SHISA6: variants seen among roughly 807,000 people sequenced by gnomAD.
SHISA6 encodes shisa family member 6.
Under a neutral mutation model 47.9 loss-of-function variants are expected in SHISA6, and 22 were observed. The ratio of observed to expected loss-of-function variants is 0.46; its 90% CI spans 0.33 to 0.66. The LOEUF (loss-of-function observed/expected upper bound fraction) is 0.66, where lower values mean the gene tolerates loss of function less well. Among genes scored for constraint, SHISA6 ranks in the 30% least tolerant of loss-of-function variants. The pLI, the probability that SHISA6 is intolerant of heterozygous loss-of-function variation, is 0.02. For synonymous variants in SHISA6, 388 were observed against 337.8 expected (o/e 1.15, Z -1.63); for missense variants, 680 against 764.6 (o/e 0.89, Z 1.30).
intron 3 of SHISA6, among the ~76,000 whole-genome samples, chr17:11,407,323 T>A (rs762383783): frequency 1.3e-4 from 20 of 151,962 alleles, no homozygotes; most frequent in Non-Finnish European, 2.4e-4. Flanking sequence ...AGGTCTGTGT[T>A]CCCCATCGCT....
intron 2 of SHISA6, among the ~76,000 whole-genome samples, chr17:11,341,390 A>G (rs1333237853): frequency 1.5e-5 from 2 of 132,334 alleles, no homozygotes; most frequent in South Asian, 4.9e-4. Context: ...GATGGAGTGC[A>G]GTGGCATGAT....
intron 2 of SHISA6, among the ~76,000 whole-genome samples, chr17:11,328,032 T>A (rs768521648): frequency 1.3e-5 from 2 of 152,210 alleles, no homozygotes; most frequent in Non-Finnish European, 2.9e-5. Context: ...ATTCATTCAC[T>A]TTTTTGTGAC....
At chr17:11,415,275 C>T (rs1249294443) in intron 3 of SHISA6, among the ~76,000 whole-genome samples, 1 of 152,108 alleles carries the variant, frequency 6.6e-6, no homozygotes, top group Non-Finnish European at 1.5e-5. Context: ...AAAACTGAGG[C>T]ACAGATAATT....
At chr17:11,290,982 A>G (rs1437691076) in intron 2 of SHISA6, among the ~76,000 whole-genome samples, 2 of 151,168 alleles carry the variant, frequency 1.3e-5, no homozygotes, top group Admixed American at 6.6e-5. Context: ...TTATTAATTT[A>G]ATAATAAATT....
chr17:11,350,618 A>G (rs17597653), intron 2 of SHISA6, among the ~76,000 whole-genome samples: 4,677 of 151,956 alleles, frequency 0.031, 147 homozygotes, highest in African/African-American at 0.074. Context: ...ACTGTCAATC[A>G]TCTCTCACTG....
chr17:11,412,357 A>G (rs1914145917), intron 3 of SHISA6, among the ~76,000 whole-genome samples: 1 of 152,184 alleles, frequency 6.6e-6, no homozygotes, highest in South Asian at 2.1e-4. Flanking sequence ...ACAGTGTTAC[A>G]TACTCTGGAG....
At chr17:11,505,506 A>G (rs908759305) in intron 3 of SHISA6, among the ~76,000 whole-genome samples, 6 of 152,190 alleles carry the variant, frequency 3.9e-5, no homozygotes, top group African/African-American at 1.2e-4. Context: ...GGCTACTGTA[A>G]ACATAGTCTA....
At chr17:11,492,624 G>T (rs1055961662) in intron 3 of SHISA6, among the ~76,000 whole-genome samples, 11 of 152,154 alleles carry the variant, frequency 7.2e-5, no homozygotes, top group Non-Finnish European at 1.5e-4. Context: ...AGGGCTCAGT[G>T]AACACTTATG....
chr17:11,256,518 C>T (rs529595494), intron 1 of SHISA6, among the ~76,000 whole-genome samples: 15 of 151,764 alleles, frequency 9.9e-5, no homozygotes, highest in South Asian at 4.2e-4. Flanking sequence ...AAAACAACAA[C>T]GCCAACAATC....
intron 3 of SHISA6, among the ~76,000 whole-genome samples, chr17:11,473,799 G>A (rs1304133065): frequency 6.6e-6 from 1 of 151,940 alleles, no homozygotes; most frequent in African/African-American, 2.4e-5. Context: ...GTGCAGGTTT[G>A]TTACATAGGT....
At chr17:11,494,095 C>T (rs770310881) in intron 3 of SHISA6, among the ~76,000 whole-genome samples, 16 of 152,150 alleles carry the variant, frequency 1.1e-4, no homozygotes, top group Admixed American at 2.6e-4. Context: ...CAGGGGGCTT[C>T]TGTGTCTTCC....
At chr17:11,459,218 C>CAA (rs200165239) in intron 3 of SHISA6, among the ~76,000 whole-genome samples, 3,223 of 90,642 alleles carry the variant, frequency 0.036, 163 homozygotes, top group African/African-American at 0.12. Context: ...GACTCCATCT[C>CAA]AAAAAAAAAA....
chr17:11,433,544 CAT>C (rs1236070684), intron 3 of SHISA6, among the ~76,000 whole-genome samples: 3 of 151,458 alleles, frequency 2.0e-5, no homozygotes, highest in Non-Finnish European at 4.4e-5. Flanking sequence ...AATAAACATA[CAT>C]GTGTGTGTTC....
chr17:11,531,113 C>T (rs566087057), intron 3 of SHISA6, among the ~76,000 whole-genome samples: 9 of 151,120 alleles, frequency 6.0e-5, no homozygotes, highest in Non-Finnish European at 4.4e-5. Flanking sequence ...GCTCAGATAC[C>T]GTTAGTGAGG....
At chr17:11,244,605 T>G (rs1442243018) in intron 1 of SHISA6, among the ~76,000 whole-genome samples, 1 of 151,978 alleles carries the variant, frequency 6.6e-6, no homozygotes, top group Non-Finnish European at 1.5e-5. Context: ...GACTGTCTTG[T>G]TGGGCAATCA....
chr17:11,347,585 G>T (rs1439209593), intron 2 of SHISA6, among the ~76,000 whole-genome samples: 1 of 152,202 alleles, frequency 6.6e-6, no homozygotes, highest in African/African-American at 2.4e-5. Flanking sequence ...TGGCTTAGAA[G>T]TATTAAGCAA....
chr17:11,495,611 C>A (rs1028701882), intron 3 of SHISA6, among the ~76,000 whole-genome samples: 3 of 152,174 alleles, frequency 2.0e-5, no homozygotes, highest in Non-Finnish European at 4.4e-5. Flanking sequence ...GGCTGCCTAC[C>A]AGTCCATCCC....
intron 2 of SHISA6, among the ~76,000 whole-genome samples, chr17:11,316,444 G>C (rs1450474493): frequency 7.9e-6 from 1 of 127,272 alleles, no homozygotes; most frequent in Non-Finnish European, 1.6e-5. Flanking sequence ...TTTTTGAGAC[G>C]GAGTCTTGCT....
chr17:11,560,687 T>C lies in SHISA6; in HGVS notation c.*2383T>C, dbSNP rs926490794. 1 of 152,034 alleles carries C rather than the reference T, an allele frequency of 6.6e-6. No individual in the cohort carries two copies. Among genetic ancestry groups the C allele is most frequent in the Non-Finnish European group, 1.5e-5 (1 of 68,080 alleles). The allele number at this position is 152,034 out of a possible 1,614,324, so 9.4% of individuals were successfully genotyped here. On this transcript the variant is annotated 3_prime_UTR_variant, in exon 6 of 6. Transcript: ENST00000441885. ...GCACCAAGTTCTCCAGCCCCCAGGG[T>C]GACACTTTTCCCCAGGGGTCCTCCC...
Sources: gnomAD v4.1 joint callset for allele counts (sites outside exome capture counted in the v4.1 genomes callset) on GRCh38, gnomAD v4.1.1 for gene constraint, MANE v1.5 for transcripts, NCBI Gene and HGNC (gene_info 2026-07-23, HGNC 2026-07-21) for gene names.